Variants in FANCA observed in about 807,000 individuals in gnomAD.
FANCA encodes the protein Fanconi anemia group A protein.
Under a neutral mutation model 194.3 loss-of-function variants are expected in FANCA, and 236 were observed. The observed-to-expected ratio is 1.21, with a 90% CI of 1.09 to 1.35. FANCA has a LOEUF of 1.35. Ranked by LOEUF, FANCA falls within the 40% of genes most tolerant of loss-of-function variation. The pLI is 0.00. For synonymous variants in FANCA, 1,014 were observed against 715.8 expected (o/e 1.42, Z -6.65); for missense variants, 2,628 against 1,813.9 (o/e 1.45, Z -8.15).
chr16:89,779,988 G>T, intron 17 of FANCA, 31 bp from the exon 18 acceptor site: 2 of 1,594,132 alleles, frequency 1.3e-6, no homozygotes, highest in East Asian at 4.5e-5. Context: ...AAAGGAAAAA[G>T]AACAGAGGAC....
chr16:89,773,620 G>C (rs1450863297), intron 21 of FANCA, among the ~76,000 whole-genome samples: 1 of 151,694 alleles, frequency 6.6e-6, no homozygotes, highest in Non-Finnish European at 1.5e-5. Flanking sequence ...TTATAAACAA[G>C]TTTAAGAAAA....
intron 11 of FANCA, 132 bp from the exon 12 acceptor site, chr16:89,792,679 T>C (rs548154036): frequency 1.2e-5 from 9 of 738,254 alleles, no homozygotes; most frequent in East Asian, 5.6e-5. Flanking sequence ...GAAAGAAAGA[T>C]ACAAGACAAA....
intron 3 of FANCA, among the ~76,000 whole-genome samples, chr16:89,812,285 C>A (rs1049443453): frequency 2.7e-5 from 4 of 149,462 alleles, no homozygotes; most frequent in African/African-American, 9.9e-5. Context: ...TTGCAGTGAG[C>A]CGAGATCACG....
rs201589909 is a variant in FANCA, at chr16:89,771,749, C to T, written c.2080G>A (p.Asp694Asn). 5.5e-5 allele frequency: 89 copies of T among 1,614,166 alleles called. No individual in the cohort carries two copies. The East Asian group carries it at 1.8e-3, about 32-fold the overall frequency. Residue 694 changes from aspartate (D) to asparagine (N), a missense_variant, in exon 23 of 43, where the codon GAC becomes AAC. Coordinates refer to ENST00000389301, the MANE Select transcript of FANCA (RefSeq NM_000135.4). ...ATCTTTGATATCTCAACGCTGCTGTCATCCTCATTGTGGCCCAGGACAGCC... is the reference window on the plus strand; with the variant it reads ...ATCTTTGATATCTCAACGCTGCTGTTATCCTCATTGTGGCCCAGGACAGCC... Reference protein sequence around the residue: ...LRAVLGHNEDDSSVEISKIQL... With the variant: ...LRAVLGHNEDNSSVEISKIQL...
rs937913820 is a variant in FANCA at position 89,742,411 on chromosome 16, C to A, written c.3765+389G>T. ...AGAGGCTGCAGTGAGCTGACTGCACCACTGCACTCCAGCCTGGGCGACAGT... is the reference window on the plus strand; with the variant it reads ...AGAGGCTGCAGTGAGCTGACTGCACAACTGCACTCCAGCCTGGGCGACAGT... On this transcript the variant is annotated intron_variant, in intron 37 of 42. Transcript: ENST00000389301. Among the ~76,000 whole-genome samples the A allele has an allele frequency of 2.6e-5, 4 of 151,790 alleles. No homozygotes were observed. The East Asian group carries it at 5.8e-4, about 22-fold the overall frequency.
intron 31 of FANCA, among the ~76,000 whole-genome samples, chr16:89,751,390 T>C (rs1328033175): frequency 6.6e-6 from 1 of 152,134 alleles, no homozygotes; most frequent in Non-Finnish European, 1.5e-5. Context: ...CAGGATTGCT[T>C]GAGCCCAGGA....
Position 89,738,322 on chromosome 16 carries a change from C to A in FANCA, c.*279G>T, listed in dbSNP as rs1234979343. The A allele has an allele frequency of 4.0e-5, 61 of 1,515,502 alleles. No individual in the cohort carries two copies. Among genetic ancestry groups the A allele is most frequent in the Non-Finnish European group, 5.4e-5 (61 of 1,132,662 alleles). The allele number at this position is 1,515,502 out of a possible 1,614,324, so 93.9% of individuals were successfully genotyped here. ...GTGTCAGCCTCACCCTTCGTGTGCA[C>A]CCGCATGGGAGGGTCGGAGGGTGCT... On this transcript the variant is annotated 3_prime_UTR_variant, in exon 43 of 43. Coordinates refer to ENST00000389301, the MANE Select transcript of FANCA (RefSeq NM_000135.4).
chr16:89,793,985 C>T (rs8061948), intron 11 of FANCA, among the ~76,000 whole-genome samples: 1 of 152,032 alleles, frequency 6.6e-6, no homozygotes, highest in South Asian at 2.1e-4. Flanking sequence ...CTTCTGACCT[C>T]GTGACCTGCC....
rs934483477 is a variant in FANCA, at chr16:89,791,540, G to C, written c.1226-4C>G. On this transcript the variant is annotated splice_region_variant and splice_polypyrimidine_tract_variant and intron_variant, in intron 13 of 42. Transcript: ENST00000389301. ...GCCATCAAACGCGCCACCCAGTCTAGTTAAGAACCATGACATAGTCACAGC... is the reference window on the plus strand; with the variant it reads ...GCCATCAAACGCGCCACCCAGTCTACTTAAGAACCATGACATAGTCACAGC... 19 of 1,613,908 alleles carry C rather than the reference G, an allele frequency of 1.2e-5. No individual in the cohort carries two copies. In the African/African-American group the frequency reaches 2.1e-4, roughly 18 times the overall value.
At chr16:89,779,802 T>C in intron 18 of FANCA, 67 bp downstream of exon 18, 3 of 1,316,728 alleles carry the variant, frequency 2.3e-6, no homozygotes, top group South Asian at 1.2e-5. Flanking sequence ...CTGCACATAC[T>C]GCAGGCATCA....
intron 15 of FANCA, 106 bp from the exon 16 acceptor site, chr16:89,783,208 C>T: frequency 1.2e-6 from 1 of 808,990 alleles, no homozygotes. Flanking sequence ...TAGAGAAACA[C>T]AGCCCTTTAC....
chr16:89,784,935 A>T lies in FANCA; in HGVS notation c.1389T>A (p.His463Gln). Residue 463 changes from histidine (H) to glutamine (Q), a missense_variant, in exon 15 of 43, where the codon CAT (histidine) becomes CAA (glutamine). His to Gln is a conservative substitution (Grantham distance 24). Transcript: ENST00000389301. ...KASFGSTRGY[H>Q]GCSKKALVFL... ...AGACCAGGGCCTTCTTGCTGCAGCC[A>T]TGGTAGCCTCGTGTGCTCCCAAAGG... 1 of 1,614,152 alleles carries T rather than the reference A, an allele frequency of 6.2e-7. No homozygotes were observed.
In FANCA at chr16:89,739,502, C is replaced by T; in HGVS notation, c.3986G>A (p.Arg1329Lys). 1.9e-6 allele frequency: 3 copies of T among 1,551,384 alleles called. No individual in the cohort carries two copies. The highest frequency in any genetic ancestry group is 1.2e-5 in the South Asian group (1 of 84,080). The change falls in exon 40 of 43, where the codon AGG becomes AAG. Residue 1329 changes from arginine to lysine, a missense_variant. Coordinates refer to ENST00000389301, the MANE Select transcript of FANCA (RefSeq NM_000135.4). ...LLRVAPDQHTRLLPFAFYSLL... is the reference protein window; with the variant it reads ...LLRVAPDQHTKLLPFAFYSLL... Reference sequence around the variant, plus strand: ...CCTGTAAAAAGCGAAAGGCAGCAGCCTGGTGTGCTGATCCGGGGCCACACG... The same window carrying T: ...CCTGTAAAAAGCGAAAGGCAGCAGCTTGGTGTGCTGATCCGGGGCCACACG...
intron 8 of FANCA, among the ~76,000 whole-genome samples, chr16:89,800,662 A>G (rs886624621): frequency 6.6e-6 from 1 of 152,216 alleles, no homozygotes; most frequent in African/African-American, 2.4e-5. Flanking sequence ...GTCAAAATAT[A>G]CTACGAGGCT....
chr16:89,771,930 C>G, intron 22 of FANCA, 116 bp from the exon 23 acceptor site: 4 of 1,211,804 alleles, frequency 3.3e-6, no homozygotes, highest in Non-Finnish European at 4.8e-6. Flanking sequence ...GCTGACTGCA[C>G]ACATCCCCCA....
chr16:89,779,798 A>T, intron 18 of FANCA, 71 bp downstream of exon 18: 1 of 1,265,010 alleles, frequency 7.9e-7, no homozygotes. Context: ...GAGTCTGCAC[A>T]TACTGCAGGC....
intron 27 of FANCA, among the ~76,000 whole-genome samples, chr16:89,765,363 G>A (rs2039091749): frequency 6.6e-6 from 1 of 152,004 alleles, no homozygotes; most frequent in African/African-American, 2.4e-5. Context: ...CCCCTGGGAG[G>A]GCACAACACA....
chr16:89,795,780 T>C, intron 11 of FANCA, 126 bp downstream of exon 11: 1 of 731,470 alleles, frequency 1.4e-6, no homozygotes, highest in Non-Finnish European at 2.5e-6. Context: ...ACCCAGTCTC[T>C]GGTTCAAGAC....
chr16:89,779,236 G>C (rs551692242), intron 18 of FANCA, among the ~76,000 whole-genome samples: 1 of 152,142 alleles, frequency 6.6e-6, no homozygotes, highest in Non-Finnish European at 1.5e-5. Flanking sequence ...CCCTGGGCTT[G>C]AACGTGGAGC....
Sources: gnomAD v4.1 joint callset for allele counts (sites outside exome capture counted in the v4.1 genomes callset) on GRCh38, gnomAD v4.1.1 for gene constraint, MANE v1.5 for transcripts, NCBI Gene and HGNC (gene_info 2026-07-23, HGNC 2026-07-21) for gene names.